MRPS16: variants seen among roughly 807,000 people sequenced by gnomAD.
MRPS16 encodes the protein mitochondrial ribosomal protein S16.
Under a neutral mutation model 11.0 loss-of-function variants are expected in MRPS16, and 5 were observed. That is an observed-to-expected ratio of 0.46 (90% CI 0.24 to 0.96). The LOEUF is 0.96. Ranked by LOEUF, MRPS16 falls within the 40% of genes least tolerant of loss-of-function variation. The probability of loss-of-function intolerance (pLI) is 0.20; values close to 1 mark genes in which losing one functional copy is unlikely to be tolerated. For synonymous variants in MRPS16, 76 were observed against 65.0 expected (o/e 1.17, Z -0.81); for missense variants, 179 against 174.4 (o/e 1.03, Z -0.15).
chr10:73,252,459 C>T lies in MRPS16; in HGVS notation c.13+11G>A, dbSNP rs2044132873. ...CCGCCCGGAACGTCTCGCGGTGGCCCGATGACTCACTGAGGTGGACCATGG... is the reference window on the plus strand; with the variant it reads ...CCGCCCGGAACGTCTCGCGGTGGCCTGATGACTCACTGAGGTGGACCATGG... On this transcript the variant is annotated intron_variant, in intron 1 of 2. Coordinates refer to ENST00000372945, the MANE Select transcript of MRPS16 (RefSeq NM_016065.4). The T allele has an allele frequency of 1.2e-6, 2 of 1,609,422 alleles. No homozygotes were observed. Among genetic ancestry groups the T allele is most frequent in the Non-Finnish European group, 1.7e-6 (2 of 1,179,824 alleles).
Position 73,252,551 on chromosome 10 carries a change from G to T in MRPS16, c.-69C>A. The T allele has an allele frequency of 1.9e-6, 3 of 1,589,758 alleles. No individual in the cohort carries two copies. Among genetic ancestry groups the T allele is most frequent in the Non-Finnish European group, 2.6e-6 (3 of 1,173,460 alleles). ...ACGCACCAGCTCTACGGCCTTGGCA[G>T]GGCAGAGAACAAACACAGAAAGAAC... On this transcript the variant is annotated 5_prime_UTR_variant, in exon 1 of 3. The change creates a new upstream start codon in the 5' untranslated region. Coordinates refer to ENST00000372945, the MANE Select transcript of MRPS16 (RefSeq NM_016065.4).
chr10:73,251,134 A>T (rs2044086375), intron 2 of MRPS16, 143 bp from the exon 3 acceptor site: 8 of 932,720 alleles, frequency 8.6e-6, no homozygotes, highest in Admixed American at 2.0e-5. Flanking sequence ...ACTCTGTACT[A>T]CTTCTCCCCG....
chr10:73,252,588 C>G lies in MRPS16; in HGVS notation c.-106G>C. The G allele has an allele frequency of 6.7e-7, 1 of 1,482,438 alleles. No homozygotes were observed. The highest frequency in any genetic ancestry group is 9.1e-7 in the Non-Finnish European group (1 of 1,095,378). The allele number at this position is 1,482,438 out of a possible 1,614,324, so 91.8% of individuals were successfully genotyped here. On this transcript the variant is annotated 5_prime_UTR_variant, in exon 1 of 3. Transcript: ENST00000372945. ...AACACAGAAAGAACCTGCAAGCCGA[C>G]ACCAGGCCGCACCGCCAAGCGGTAC...
At chr10:73,252,308 A>C in intron 1 of MRPS16, 162 bp downstream of exon 1, 2 of 1,215,424 alleles carry the variant, frequency 1.6e-6, no homozygotes, top group South Asian at 2.6e-5. Context: ...TTCAGCGGTG[A>C]TTAAGTGGGG....
rs1354885092 is a variant in MRPS16 at position 73,250,392 on chromosome 10, AAAAAAAAAAG to A, written c.*450_*459del. 1.1e-5 allele frequency: 2 copies of A among 177,806 alleles called. No individual in the cohort carries two copies. Among genetic ancestry groups the A allele is most frequent in the African/African-American group, 4.8e-5 (2 of 41,586 alleles). The allele number at this position is 177,806 out of a possible 1,614,324, so 11.0% of individuals were successfully genotyped here. ...AGAACAAGACTCCGTCTCAAAAAAA[AAAAAAAAAAG>A]AGAATATGCATTAGGCAAGACAATA... On this transcript the variant is annotated 3_prime_UTR_variant, in exon 3 of 3. Transcript: ENST00000372945.
At position 73,250,822 on chromosome 10, in the gene MRPS16, C is replaced by G; in HGVS notation, c.*30G>C. ...TTTCAAAAGGACCTTGACCTTGTTCCCACTGCTATGCTCACTAAAGTCAGC... is the reference window on the plus strand; with the variant it reads ...TTTCAAAAGGACCTTGACCTTGTTCGCACTGCTATGCTCACTAAAGTCAGC... On this transcript the variant is annotated 3_prime_UTR_variant, in exon 3 of 3. Coordinates refer to ENST00000372945, the MANE Select transcript of MRPS16 (RefSeq NM_016065.4). 1 of 1,611,914 alleles carries G rather than the reference C, an allele frequency of 6.2e-7. No individual in the cohort carries two copies. The highest frequency in any genetic ancestry group is 8.5e-7 in the Non-Finnish European group (1 of 1,179,696).
chr10:73,252,256 G>A (rs2044124785), intron 1 of MRPS16: 2 of 1,013,408 alleles, frequency 2.0e-6, no homozygotes, highest in Non-Finnish European at 1.5e-6. Flanking sequence ...TAGGCTCTGT[G>A]ACCTTGTCGG....
At chr10:73,251,117 T>C in intron 2 of MRPS16, 126 bp from the exon 3 acceptor site, 1 of 1,114,386 alleles carries the variant, frequency 9.0e-7, no homozygotes, top group Non-Finnish European at 1.3e-6. Flanking sequence ...TGCTCCTCAC[T>C]TGCCAAACTC....
intron 2 of MRPS16, 97 bp downstream of exon 2, chr10:73,251,666 C>A: frequency 6.4e-7 from 1 of 1,555,666 alleles, no homozygotes; most frequent in Non-Finnish European, 8.8e-7. Context: ...CAGGCGTGAG[C>A]CACCGTGCCC....
rs1025122157 is a variant in MRPS16 at position 73,250,332 on chromosome 10, G to C, written c.*520C>G. 5 of 159,282 alleles carry C rather than the reference G, an allele frequency of 3.1e-5. No individual in the cohort carries two copies. Among genetic ancestry groups the C allele is most frequent in the Non-Finnish European group, 5.4e-5 (4 of 73,504 alleles). 9.9% of individuals were successfully genotyped at this position (159,282 alleles called of 1,614,324 possible). Reference sequence around the variant, plus strand: ...ACCCAGGAGGTGGAGATTGCAGTGAGCTGAGATTGCACCACCGCACTCCAG... The same window carrying C: ...ACCCAGGAGGTGGAGATTGCAGTGACCTGAGATTGCACCACCGCACTCCAG... On this transcript the variant is annotated 3_prime_UTR_variant, in exon 3 of 3. Transcript: ENST00000372945.
rs1208675924 is a variant in MRPS16 at position 73,249,989 on chromosome 10, CGAG to C, written c.*860_*862del. ...TTGGGAGGCCAAGGCGGGCGGATCA[CGAG>C]GTCAGGAGATCAAAACCATCCTGGA... On this transcript the variant is annotated 3_prime_UTR_variant, in exon 3 of 3. Coordinates refer to ENST00000372945, the MANE Select transcript of MRPS16 (RefSeq NM_016065.4). The C allele has an allele frequency of 6.6e-6, 1 of 150,956 alleles. No individual in the cohort carries two copies. The highest frequency in any genetic ancestry group is 1.5e-5 in the Non-Finnish European group (1 of 67,216). The allele number at this position is 150,956 out of a possible 1,614,324, so 9.4% of individuals were successfully genotyped here.
In MRPS16 at chr10:73,252,623, A is replaced by G; in HGVS notation, c.-141T>C. The stretch of plus-strand genomic sequence containing the variant: ...CACCGCCAAGCGGTACAAGCCCGAA[A>G]ACCTCGACTCCGGAAGCGGATGATC... On this transcript the variant is annotated 5_prime_UTR_variant, in exon 1 of 3. Coordinates refer to ENST00000372945, the MANE Select transcript of MRPS16 (RefSeq NM_016065.4). The G allele has an allele frequency of 8.1e-7, 1 of 1,236,490 alleles. No individual in the cohort carries two copies. Among genetic ancestry groups the G allele is most frequent in the East Asian group, 2.6e-5 (1 of 38,946 alleles). 76.6% of individuals were successfully genotyped at this position (1,236,490 alleles called of 1,614,324 possible).
intron 1 of MRPS16, 107 bp downstream of exon 1, chr10:73,252,363 C>T (rs2044128810): frequency 1.2e-5 from 18 of 1,490,990 alleles, no homozygotes; most frequent in Middle Eastern, 4.2e-4. Context: ...GTGGCTGCTT[C>T]AGGTTCGGGT....
Position 73,249,300 on chromosome 10 carries a change from A to C in MRPS16, c.*1552T>G, listed in dbSNP as rs1433325297. 6.5e-7 allele frequency: 1 copy of C among 1,550,268 alleles called. No individual in the cohort carries two copies. Among genetic ancestry groups the C allele is most frequent in the Non-Finnish European group, 8.7e-7 (1 of 1,146,648 alleles). ...CTCACTGACTTCAGGCTTTTAAAACACATGGGAATACTTGAGACCTAAGAA... is the reference window on the plus strand; with the variant it reads ...CTCACTGACTTCAGGCTTTTAAAACCCATGGGAATACTTGAGACCTAAGAA... On this transcript the variant is annotated 3_prime_UTR_variant, in exon 3 of 3. Coordinates refer to ENST00000372945, the MANE Select transcript of MRPS16 (RefSeq NM_016065.4).
chr10:73,250,938 GTC>G lies in MRPS16; in HGVS notation c.326_327del (p.Arg109ThrfsTer8), dbSNP rs762604257. On this transcript the variant is annotated frameshift_variant, in exon 3 of 3. Transcript: ENST00000372945. LOFTEE classifies it high-confidence loss of function. ...LHPMMITNAE[R>X]LRRKRAREVL... ...ACTTCACGTGCCCGTTTCCTTCGCA[GTC>G]TCTCAGCATTTGTGATCATCATAGG... is the stretch of plus-strand genomic sequence containing the variant. 37 of 1,614,052 alleles carry G rather than the reference GTC, an allele frequency of 2.3e-5. No homozygotes were observed. In the Admixed American group the frequency reaches 4.3e-4, roughly 19 times the overall value.
rs915793465 is a variant in MRPS16 at position 73,249,701 on chromosome 10, C to T, written c.*1151G>A. 2.8e-5 allele frequency: 5 copies of T among 180,970 alleles called. No homozygotes were observed. Among genetic ancestry groups the T allele is most frequent in the Middle Eastern group, 2.5e-3 (1 of 398 alleles). 11.2% of individuals were successfully genotyped at this position (180,970 alleles called of 1,614,324 possible). A position where few individuals can be genotyped will look rare whatever the true frequency, so the allele number is the denominator to read the frequency against. ...TTGATTCATACTGAACTCCCTTAAG[C>T]CCAGCAGTTTCTCATTCTTAAAAGG... On this transcript the variant is annotated 3_prime_UTR_variant, in exon 3 of 3. Transcript: ENST00000372945.
At position 73,251,775 on chromosome 10, in the gene MRPS16, C is replaced by T; in HGVS notation, c.262G>A (p.Glu88Lys). 6.2e-7 allele frequency: 1 copy of T among 1,614,176 alleles called. No individual in the cohort carries two copies. Among genetic ancestry groups the T allele is most frequent in the South Asian group, 1.1e-5 (1 of 91,082 alleles). ...AGAGCTGAGTTACCCAGAAGCTTTT[C>T]CATAGGCTTAGAGAGGTGGGCCCCG... ...GCGAHLSKPMEKLLGLAGFFP... is the reference protein window; with the variant it reads ...GCGAHLSKPMKKLLGLAGFFP... Residue 88 changes from glutamate (E) to lysine (K), a missense_variant, in exon 2 of 3, where the codon GAA becomes AAA. Transcript: ENST00000372945.
Position 73,252,513 on chromosome 10 carries a change from C to G in MRPS16, c.-31G>C. On this transcript the variant is annotated 5_prime_UTR_variant, in exon 1 of 3. Transcript: ENST00000372945. ...CGCCGGCGTGCGGCTCCTCGGAGAG[C>G]CCCGCTACCCGCACGCACCAGCTCT... The G allele has an allele frequency of 6.2e-7, 1 of 1,604,866 alleles. No individual in the cohort carries two copies. Among genetic ancestry groups the G allele is most frequent in the African/African-American group, 1.3e-5 (1 of 75,000 alleles).
Position 73,249,142 on chromosome 10 carries a change from C to A in MRPS16, c.*1710G>T. The A allele has an allele frequency of 1.3e-6, 1 of 748,322 alleles. No individual in the cohort carries two copies. The highest frequency in any genetic ancestry group is 2.2e-6 in the Non-Finnish European group (1 of 450,650). 46.4% of individuals were successfully genotyped at this position (748,322 alleles called of 1,614,324 possible). ...CTGTGTTGCACAGGCTGGTCTCAAA[C>A]TCTGGCTTCAAGTGATCCTTCCACC... On this transcript the variant is annotated 3_prime_UTR_variant, in exon 3 of 3. Coordinates refer to ENST00000372945, the MANE Select transcript of MRPS16 (RefSeq NM_016065.4).
Sources: gnomAD v4.1 joint callset for allele counts on GRCh38, gnomAD v4.1.1 for gene constraint, MANE v1.5 for transcripts, NCBI Gene and HGNC (gene_info 2026-07-23, HGNC 2026-07-21) for gene names.